Variants in XPO4 observed in about 807,000 individuals in gnomAD.
XPO4 encodes the protein exportin-4.
XPO4 carries 39 observed loss-of-function variants against 143.0 expected under a neutral mutation model. That is an observed-to-expected ratio of 0.27 (90% CI 0.21 to 0.36). The LOEUF is 0.36. Ranked by LOEUF, XPO4 falls within the 10% of genes least tolerant of loss-of-function variation. The pLI, the probability that XPO4 is intolerant of heterozygous loss-of-function variation, is 1.00. For missense variants in XPO4, 907 were observed against 1,348.0 expected, an observed-to-expected ratio of 0.67 and a Z score of 5.12; for synonymous variants, 439 against 474.0, an observed-to-expected ratio of 0.93 and a Z score of 0.96.
chr13:20,843,973 T>C, intron 4 of XPO4, 87 bp from the exon 5 acceptor site: 1 of 975,422 alleles, frequency 1.0e-6, no homozygotes. Flanking sequence ...AATAGAACAT[T>C]TTCTCCCTAA....
chr13:20,877,608 T>C (rs1371196340), intron 1 of XPO4, among the ~76,000 whole-genome samples: 1 of 152,232 alleles, frequency 6.6e-6, no homozygotes, highest in Non-Finnish European at 1.5e-5. Flanking sequence ...CTACAGCCAC[T>C]AAACCATTCA....
intron 3 of XPO4, chr13:20,859,799 G>T: frequency 2.4e-6 from 2 of 842,522 alleles, no homozygotes; most frequent in Non-Finnish European, 2.8e-6. Context: ...AAAAAAAAAA[G>T]AACAAATAAA....
intron 22 of XPO4, among the ~76,000 whole-genome samples, chr13:20,785,053 G>A (rs766722311): frequency 2.6e-4 from 39 of 152,180 alleles, no homozygotes; most frequent in Non-Finnish European, 4.7e-4. Flanking sequence ...TTTTTAGTAG[G>A]GACAGGGTTC....
intron 3 of XPO4, chr13:20,857,021 A>C: frequency 3.4e-5 from 11 of 320,704 alleles, no homozygotes; most frequent in Non-Finnish European, 4.5e-5. Flanking sequence ...ATTTATACAG[A>C]TGAATAAATA....
intron 1 of XPO4, among the ~76,000 whole-genome samples, chr13:20,899,450 C>A (rs2060599873): frequency 6.6e-6 from 1 of 151,996 alleles, no homozygotes; most frequent in African/African-American, 2.4e-5. Flanking sequence ...TTGGGCAAGT[C>A]ACTTCTACCT....
In XPO4 at chr13:20,809,338, G is replaced by C. The variant is rs527980314; in HGVS notation, c.1351-113C>G. On this transcript the variant is annotated intron_variant, in intron 10 of 22. Transcript: ENST00000255305. ...CTAAGCACTGCATAGCAAAAGGAGA[G>C]GGGACACAGCCGACCTTTGAGCACA... The C allele has an allele frequency of 2.9e-4, 397 of 1,349,582 alleles. 2 individuals carry two copies. Among genetic ancestry groups the C allele is most frequent in the Middle Eastern group, 7.7e-4 (4 of 5,210 alleles). The allele number at this position is 1,349,582 out of a possible 1,614,324, so 83.6% of individuals were successfully genotyped here. A position where few individuals can be genotyped will look rare whatever the true frequency, so the allele number is the denominator to read the frequency against.
intron 1 of XPO4, among the ~76,000 whole-genome samples, chr13:20,889,847 G>A (rs944367680): frequency 4.8e-5 from 7 of 145,096 alleles, no homozygotes; most frequent in African/African-American, 1.5e-4. Flanking sequence ...CTAAAGGTAG[G>A]TGTATATATA....
In XPO4 at chr13:20,781,674, T is replaced by A. The variant is rs754264121; in HGVS notation, c.*2048A>T. On this transcript the variant is annotated 3_prime_UTR_variant, in exon 23 of 23. Transcript: ENST00000255305. ...TTCCTTTCCCACTCCTCTTTAGTTT[T>A]AATAACTTGATTATAGTTTTGTCAT... is the stretch of plus-strand genomic sequence containing the variant. 1 of 152,224 alleles carries A rather than the reference T, an allele frequency of 6.6e-6. No individual in the cohort carries two copies. Among genetic ancestry groups the A allele is most frequent in the Non-Finnish European group, 1.5e-5 (1 of 68,032 alleles). The allele number at this position is 152,224 out of a possible 1,614,324, so 9.4% of individuals were successfully genotyped here.
At position 20,783,675 on chromosome 13, in the gene XPO4, A is replaced by C. The variant is rs1466490796; in HGVS notation, c.*47T>G. The C allele has an allele frequency of 1.3e-5, 21 of 1,586,450 alleles. No homozygotes were observed. The highest frequency in any genetic ancestry group is 1.8e-5 in the Non-Finnish European group (21 of 1,155,166). On this transcript the variant is annotated 3_prime_UTR_variant, in exon 23 of 23. Coordinates refer to ENST00000255305, the MANE Select transcript of XPO4 (RefSeq NM_022459.5). Reference sequence around the variant, plus strand: ...GACTCAAGTCAACTTTCAGCAATTCAGTGCACTTTGCAGAAAGGATCTAAA... The same window carrying C: ...GACTCAAGTCAACTTTCAGCAATTCCGTGCACTTTGCAGAAAGGATCTAAA...
chr13:20,900,912 G>A (rs992577228), intron 1 of XPO4, among the ~76,000 whole-genome samples: 6 of 152,086 alleles, frequency 3.9e-5, no homozygotes, highest in Admixed American at 1.3e-4. Context: ...GCACCCGGCT[G>A]TAATTTCCTG....
intron 4 of XPO4, among the ~76,000 whole-genome samples, chr13:20,850,511 G>A (rs1595129727): frequency 1.3e-5 from 2 of 152,250 alleles, no homozygotes; most frequent in Middle Eastern, 6.8e-3. Flanking sequence ...TGGACGTGGT[G>A]GCTCACACCT....
At chr13:20,883,371 T>G (rs1215943812) in intron 1 of XPO4, among the ~76,000 whole-genome samples, 1 of 151,806 alleles carries the variant, frequency 6.6e-6, no homozygotes, top group Non-Finnish European at 1.5e-5. Context: ...CCAAACTAAA[T>G]GAAAAGGAGG....
chr13:20,827,178 C>T lies in XPO4; in HGVS notation c.729G>A (p.Leu243=). ...VLSWNFLPPN[L]GRHYIAMFES... ...CAAACATAGCTATATAATGTCTGCCCAGTTATTTGGTGTCAAGGTCAACAA... is the reference window on the plus strand; with the variant it reads ...CAAACATAGCTATATAATGTCTGCCTAGTTATTTGGTGTCAAGGTCAACAA... Residue 243 remains leucine, a splice_region_variant and synonymous_variant, in exon 7 of 23, where the codon TTG becomes TTA. Transcript: ENST00000255305. 6.2e-7 allele frequency: 1 copy of T among 1,609,264 alleles called. No homozygotes were observed.
At chr13:20,797,924 C>A (rs574432893) in intron 16 of XPO4, among the ~76,000 whole-genome samples, 1 of 152,066 alleles carries the variant, frequency 6.6e-6, no homozygotes. Flanking sequence ...CTGAGGTGGG[C>A]GGATCACTTG....
chr13:20,884,476 C>G (rs1595162067), intron 1 of XPO4, among the ~76,000 whole-genome samples: 1 of 152,210 alleles, frequency 6.6e-6, no homozygotes, highest in African/African-American at 2.4e-5. Flanking sequence ...GTAGTACAAT[C>G]TCGGCTCACT....
intron 3 of XPO4, chr13:20,857,840 C>T (rs989322918): frequency 1.0e-6 from 1 of 985,286 alleles, no homozygotes; most frequent in South Asian, 4.7e-5. Flanking sequence ...GACCACTATG[C>T]TACACTTGCC....
At chr13:20,869,514 T>A (rs1489639163) in intron 1 of XPO4, 1 of 966,928 alleles carries the variant, frequency 1.0e-6, no homozygotes, top group African/African-American at 1.8e-5. Flanking sequence ...TTCAAACCAT[T>A]GAATAAAGAG....
chr13:20,849,146 C>T (rs1248504360), intron 4 of XPO4: 3 of 985,336 alleles, frequency 3.0e-6, no homozygotes, highest in Admixed American at 1.2e-4. Context: ...AGAGGATTGT[C>T]TCTTATAATA....
Position 20,898,865 on chromosome 13 carries a change from AT to A in XPO4, c.69+3804del, listed in dbSNP as rs2060593384. On this transcript the variant is annotated intron_variant, in intron 1 of 22. Coordinates refer to ENST00000255305, the MANE Select transcript of XPO4 (RefSeq NM_022459.5). ...AGAGGATGTGCATAGGTCATACACA[AT>A]TACCATACCATATCATGTAAGAAAC... Among the ~76,000 whole-genome samples, 3 of 152,188 alleles carry A rather than the reference AT, an allele frequency of 2.0e-5. No homozygotes were observed. In the South Asian group the frequency reaches 6.2e-4, roughly 31 times the overall value.
Sources: allele counts gnomAD v4.1 joint callset (sites outside exome capture counted in the v4.1 genomes callset), GRCh38; gene constraint gnomAD v4.1.1; transcripts MANE v1.5; gene names NCBI Gene and HGNC (gene_info 2026-07-23, HGNC 2026-07-21).